UNC79: variants seen among roughly 807,000 people sequenced by gnomAD.
The protein encoded by UNC79 is protein unc-79 homolog.
UNC79 carries 37 observed loss-of-function variants against 283.1 expected under a neutral mutation model. That is an observed-to-expected ratio of 0.13 (90% CI 0.10 to 0.17). The LOEUF is 0.17. Ranked by LOEUF, UNC79 falls within the 10% of genes least tolerant of loss-of-function variation. The pLI is 1.00. For missense variants in UNC79, 2,272 were observed against 3,211.1 expected (o/e 0.71, Z 7.07); for synonymous variants, 1,107 against 1,200.2 (o/e 0.92, Z 1.61).
intron 47 of UNC79, among the ~76,000 whole-genome samples, chr14:93,702,708 C>A (rs2075619009): frequency 6.6e-6 from 1 of 152,208 alleles, no homozygotes; most frequent in Non-Finnish European, 1.5e-5. Context: ...CATCAGTGTC[C>A]CCCAGTTTGC....
chr14:93,368,622 C>A (rs1039668601), intron 1 of UNC79, among the ~76,000 whole-genome samples: 32 of 152,022 alleles, frequency 2.1e-4, no homozygotes, highest in African/African-American at 7.7e-4. Flanking sequence ...AGGTGCATGC[C>A]ACCACACCCA....
intron 14 of UNC79, among the ~76,000 whole-genome samples, chr14:93,562,499 G>A (rs1243798481): frequency 1.3e-5 from 2 of 152,166 alleles, no homozygotes; most frequent in African/African-American, 4.8e-5. Context: ...TCTGAGAAGG[G>A]CAAGAGGTAA....
intron 39 of UNC79, among the ~76,000 whole-genome samples, chr14:93,661,420 C>T (rs980313916): frequency 6.6e-6 from 1 of 152,146 alleles, no homozygotes; most frequent in Admixed American, 6.6e-5. Flanking sequence ...TTGAGTTTGA[C>T]ATTGAACATG....
intron 10 of UNC79, 41 bp downstream of exon 10, chr14:93,529,367 G>C: frequency 5.6e-6 from 9 of 1,601,526 alleles, no homozygotes; most frequent in Non-Finnish European, 7.7e-6. Flanking sequence ...GAGTAATCAT[G>C]ACTAATGACA....
intron 7 of UNC79, among the ~76,000 whole-genome samples, chr14:93,517,208 T>C: frequency 6.7e-6 from 1 of 150,278 alleles, no homozygotes; most frequent in East Asian, 1.9e-4. Flanking sequence ...TCTCTCCCTT[T>C]CTCCATCCCT....
At chr14:93,674,746 T>A (rs912135145) in intron 41 of UNC79, among the ~76,000 whole-genome samples, 14 of 152,204 alleles carry the variant, frequency 9.2e-5, no homozygotes, top group Non-Finnish European at 1.5e-5. Context: ...GAGGACCTAT[T>A]ATGTGTTAAG....
At chr14:93,467,713 T>C (rs1194965349) in exon 2 of UNC79, 9 of 1,319,976 alleles carry the variant, frequency 6.8e-6, no homozygotes, top group Non-Finnish European at 7.8e-6. Context: ...CATAACCGGG[T>C]TCTCCACAAC....
intron 1 of UNC79, among the ~76,000 whole-genome samples, chr14:93,413,877 T>G (rs1433517149): frequency 8.1e-3 from 881 of 109,062 alleles, no homozygotes; most frequent in African/African-American, 0.011. Flanking sequence ...TGGGGTTGTT[T>G]GTTTTTTTCT....
chr14:93,578,479 C>T (rs569785957), intron 18 of UNC79, among the ~76,000 whole-genome samples: 8 of 151,980 alleles, frequency 5.3e-5, no homozygotes, highest in Non-Finnish European at 1.0e-4. Context: ...TCTTTTTAAC[C>T]TTTTATTTTG....
In UNC79 at chr14:93,474,077, T is replaced by TC; in HGVS notation, c.144-6dup. 4 of 1,514,076 alleles carry TC rather than the reference T, an allele frequency of 2.6e-6. No homozygotes were observed. Among genetic ancestry groups the TC allele is most frequent in the Admixed American group, 2.1e-5 (1 of 47,884 alleles). 93.8% of individuals were successfully genotyped at this position (1,514,076 alleles called of 1,614,324 possible). On this transcript the variant is annotated splice_polypyrimidine_tract_variant and intron_variant, in intron 2 of 48. Transcript: ENST00000555664. This position sits in a 1 kb window ranked among gnomAD's most constrained non-coding sequence, Gnocchi z 4.1. ...CTTTGTTGTCTCTTTTTTTTCTTTG[T>TC]CCCCCCAACAGCATTTTGTCCCGCA...
intron 27 of UNC79, among the ~76,000 whole-genome samples, chr14:93,613,899 T>C (rs2066492177): frequency 6.6e-6 from 1 of 152,250 alleles, no homozygotes; most frequent in Non-Finnish European, 1.5e-5. Context: ...TCCAATACTT[T>C]GTTTGGTGTA....
At chr14:93,429,559 T>C (rs1479186844), upstream of UNC79, among the ~76,000 whole-genome samples, 1 of 152,260 alleles carries the variant, frequency 6.6e-6, no homozygotes, top group African/African-American at 2.4e-5. Flanking sequence ...ATAATATTTT[T>C]CTTAATTGTC....
chr14:93,435,105 G>T (rs1361564750), intron 1 of UNC79, among the ~76,000 whole-genome samples: 1 of 152,090 alleles, frequency 6.6e-6, no homozygotes, highest in Non-Finnish European at 1.5e-5. Context: ...AAATAGAAAA[G>T]TACTTCTCCT....
intron 7 of UNC79, among the ~76,000 whole-genome samples, chr14:93,503,839 T>C (rs887323651): frequency 1.3e-5 from 2 of 152,022 alleles, no homozygotes; most frequent in African/African-American, 4.8e-5. Flanking sequence ...CCTTTTCATG[T>C]CCTATCTAAG....
intron 1 of UNC79, 140 bp downstream of exon 1, chr14:93,431,191 G>T (rs1454834102): frequency 2.4e-6 from 1 of 412,344 alleles, no homozygotes; most frequent in Admixed American, 3.7e-5. Flanking sequence ...GGGGGGTGGC[G>T]GAGAGAGAAG....
chr14:93,660,520 C>CATATATATATATATATATAT (rs57703735), intron 39 of UNC79, among the ~76,000 whole-genome samples: 3 of 48,724 alleles, frequency 6.2e-5, no homozygotes, highest in Admixed American at 2.4e-4. Flanking sequence ...AAGACAATAG[C>CATATATATATATATATATAT]ATATATATAT....
intron 1 of UNC79, chr14:93,347,369 C>G (rs1253076109): frequency 6.4e-7 from 1 of 1,566,290 alleles, no homozygotes; most frequent in South Asian, 1.1e-5. Flanking sequence ...TCGGGGCCCC[C>G]GCGCCAGCGG....
At chr14:93,384,629 T>C (rs921403336) in intron 1 of UNC79, among the ~76,000 whole-genome samples, 8 of 152,214 alleles carry the variant, frequency 5.3e-5, no homozygotes, top group African/African-American at 1.9e-4. Context: ...AGTTTGCAAA[T>C]ATTTTCTCCC....
At chr14:93,504,065 G>A (rs1225092075) in intron 7 of UNC79, among the ~76,000 whole-genome samples, 1 of 151,896 alleles carries the variant, frequency 6.6e-6, no homozygotes, top group Non-Finnish European at 1.5e-5. Context: ...CATAAATCAA[G>A]TGTCTATTTA....
Sources: gnomAD v4.1 joint callset for allele counts (sites outside exome capture counted in the v4.1 genomes callset) on GRCh38, gnomAD v4.1.1 for gene constraint, Gnocchi (gnomAD v3.1) non-coding constraint, MANE v1.5 for transcripts, NCBI Gene and HGNC (gene_info 2026-07-23, HGNC 2026-07-21) for gene names.